The following SIPA1L1 variants were observed in gnomAD, a reference collection of about 807,000 sequenced individuals.
SIPA1L1 encodes the protein signal induced proliferation associated 1 like 1, also known as signal-induced proliferation-associated 1-like protein 1.
Under a neutral mutation model 162.7 loss-of-function variants are expected in SIPA1L1, and 26 were observed. The ratio of observed to expected loss-of-function variants is 0.16; its 90% CI spans 0.12 to 0.22. The LOEUF (loss-of-function observed/expected upper bound fraction) is 0.22, where lower values mean the gene tolerates loss of function less well. Among genes scored for constraint, SIPA1L1 ranks in the 10% least tolerant of loss-of-function variants. The probability of loss-of-function intolerance (pLI) is 1.00; values close to 1 mark genes in which losing one functional copy is unlikely to be tolerated. For missense variants in SIPA1L1, 1,874 were observed against 2,241.0 expected (o/e 0.84, Z 3.31); for synonymous variants, 829 against 837.4 (o/e 0.99, Z 0.17).
At chr14:71,547,320 G>A (rs1393102607) in intron 4 of SIPA1L1, among the ~76,000 whole-genome samples, 10 of 112,888 alleles carry the variant, frequency 8.9e-5, no homozygotes, top group Non-Finnish European at 1.4e-4. Context: ...TTTTTGAGAT[G>A]GAGTCTCGCT....
At chr14:71,640,336 G>C (rs140267725) in intron 7 of SIPA1L1, among the ~76,000 whole-genome samples, 331 of 152,308 alleles carry the variant, frequency 2.2e-3, no homozygotes, top group African/African-American at 7.6e-3. Context: ...AGAATTCTTA[G>C]ATGTGGCACC....
intron 4 of SIPA1L1, among the ~76,000 whole-genome samples, chr14:71,579,017 C>T (rs1049856722): frequency 2.0e-5 from 3 of 152,122 alleles, no homozygotes; most frequent in African/African-American, 4.8e-5. Flanking sequence ...TTGAGCTCAC[C>T]GCAATAGCAG....
rs1471521196 is a variant in SIPA1L1, at chr14:71,321,194, C to G, written c.-465+13C>G. 6.6e-6 allele frequency: 1 copy of G among 152,138 alleles called. No homozygotes were observed. Among genetic ancestry groups the G allele is most frequent in the African/African-American group, 2.4e-5 (1 of 41,404 alleles). 9.4% of individuals were successfully genotyped at this position (152,138 alleles called of 1,614,324 possible). A position where few individuals can be genotyped will look rare whatever the true frequency, so the allele number is the denominator to read the frequency against. ...GCCGGGCCGAGCGGTAAGTGGTCCC[C>G]GCGCCCGGGTCCTGGGGGGAGCGGG... On this transcript the variant is annotated intron_variant, in intron 2 of 23. Coordinates refer to ENST00000381232, the MANE Select transcript of SIPA1L1 (RefSeq NM_001386936.1).
At chr14:71,664,278 C>T (rs2043802175) in intron 10 of SIPA1L1, among the ~76,000 whole-genome samples, 1 of 152,086 alleles carries the variant, frequency 6.6e-6, no homozygotes, top group Non-Finnish European at 1.5e-5. Context: ...ATTTATAGGC[C>T]TGTTTTATTA....
intron 2 of SIPA1L1, among the ~76,000 whole-genome samples, chr14:71,457,372 T>C (rs1647065461): frequency 1.3e-5 from 2 of 151,844 alleles, no homozygotes; most frequent in Non-Finnish European, 2.9e-5. Flanking sequence ...TGATATCGGC[T>C]CACTGCAACC....
intron 2 of SIPA1L1, among the ~76,000 whole-genome samples, chr14:71,412,035 A>G (rs1309610026): frequency 1.3e-5 from 2 of 152,210 alleles, no homozygotes; most frequent in Non-Finnish European, 2.9e-5. Flanking sequence ...TCTTATTTAT[A>G]TAATTAGTTG....
intron 5 of SIPA1L1, among the ~76,000 whole-genome samples, chr14:71,610,745 A>G (rs1036193210): frequency 6.6e-6 from 1 of 152,202 alleles, no homozygotes; most frequent in Non-Finnish European, 1.5e-5. Context: ...GCAATTTATT[A>G]ATATCAACAT....
At position 71,671,306 on chromosome 14, in the gene SIPA1L1, G is replaced by C; in HGVS notation, c.2443G>C (p.Asp815His). 1 of 1,614,226 alleles carries C rather than the reference G, an allele frequency of 6.2e-7. No individual in the cohort carries two copies. The highest frequency in any genetic ancestry group is 8.5e-7 in the Non-Finnish European group (1 of 1,180,040). ...ATRTRQEYLK[D>H]LAEKNVTNTP... ...TCGGACCCGCCAGGAATACCTGAAAGATCTGGCAGAAAAGAATGTCACCAA... is the reference window on the plus strand; with the variant it reads ...TCGGACCCGCCAGGAATACCTGAAACATCTGGCAGAAAAGAATGTCACCAA... The change falls in exon 11 of 24, where the codon GAT becomes CAT. Residue 815 changes from aspartate (D) to histidine (H), a missense_variant. Transcript: ENST00000381232.
intron 2 of SIPA1L1, among the ~76,000 whole-genome samples, chr14:71,496,867 A>T (rs2049828973): frequency 1.3e-5 from 2 of 152,218 alleles, no homozygotes; most frequent in South Asian, 4.1e-4. Context: ...AACTAAAAAG[A>T]GAATCCTTTA....
At chr14:71,402,905 G>T (rs978440107) in intron 2 of SIPA1L1, among the ~76,000 whole-genome samples, 1 of 152,082 alleles carries the variant, frequency 6.6e-6, no homozygotes, top group Non-Finnish European at 1.5e-5. Context: ...AGTATTTGTG[G>T]TTATTGAGGA....
chr14:71,511,706 T>A (rs1221375917), intron 2 of SIPA1L1, among the ~76,000 whole-genome samples: 1 of 152,174 alleles, frequency 6.6e-6, no homozygotes, highest in Non-Finnish European at 1.5e-5. Flanking sequence ...ATACGATGAC[T>A]AGTGGTTGAA....
chr14:71,595,364 A>G (rs2035911794), intron 5 of SIPA1L1, among the ~76,000 whole-genome samples: 1 of 152,326 alleles, frequency 6.6e-6, no homozygotes, highest in Non-Finnish European at 1.5e-5. Flanking sequence ...ACCGGTAGCT[A>G]CCAAATGCCT....
At chr14:71,544,215 G>GTA (rs1209977935) in intron 4 of SIPA1L1, among the ~76,000 whole-genome samples, 13 of 145,486 alleles carry the variant, frequency 8.9e-5, no homozygotes, top group African/African-American at 2.5e-4. Flanking sequence ...GCACATGCAT[G>GTA]TGTATATACA....
intron 5 of SIPA1L1, among the ~76,000 whole-genome samples, chr14:71,607,379 A>G (rs975832452): frequency 2.6e-5 from 4 of 151,752 alleles, no homozygotes; most frequent in Non-Finnish European, 5.9e-5. Flanking sequence ...TTTTTATTCC[A>G]TGCACTTTAA....
intron 2 of SIPA1L1, among the ~76,000 whole-genome samples, chr14:71,488,028 C>G (rs1410017590): frequency 6.6e-6 from 1 of 152,170 alleles, no homozygotes; most frequent in East Asian, 1.9e-4. Context: ...GATGCAGATG[C>G]TATGCTTTCA....
At chr14:71,475,237 T>C (rs1032032759) in intron 2 of SIPA1L1, among the ~76,000 whole-genome samples, 1 of 152,202 alleles carries the variant, frequency 6.6e-6, no homozygotes, top group Non-Finnish European at 1.5e-5. Flanking sequence ...GCTTGAAATA[T>C]TGTAATAAAA....
intron 4 of SIPA1L1, among the ~76,000 whole-genome samples, chr14:71,580,201 T>G (rs2033723068): frequency 6.6e-6 from 1 of 152,230 alleles, no homozygotes; most frequent in Admixed American, 6.5e-5. Flanking sequence ...TGCGATTCCT[T>G]GAGCCACTGA....
intron 13 of SIPA1L1, among the ~76,000 whole-genome samples, chr14:71,689,804 T>A (rs2081122964): frequency 6.6e-6 from 1 of 152,196 alleles, no homozygotes; most frequent in South Asian, 2.1e-4. Context: ...GGGGCCTTTT[T>A]TGTTCACGCA....
chr14:71,733,614 G>T (rs2085006905), intron 20 of SIPA1L1, 52 bp from the exon 21 acceptor site: 8 of 1,583,532 alleles, frequency 5.1e-6, no homozygotes, highest in Non-Finnish European at 5.2e-6. Flanking sequence ...TAAGTTTTGA[G>T]TGGCTCTTCC....
Sources: gnomAD v4.1 joint callset for allele counts (sites outside exome capture counted in the v4.1 genomes callset) on GRCh38, gnomAD v4.1.1 for gene constraint, MANE v1.5 for transcripts, NCBI Gene and HGNC (gene_info 2026-07-23, HGNC 2026-07-21) for gene names.